The following LYST variants were observed in gnomAD, a reference collection of about 807,000 sequenced individuals.
LYST encodes lysosomal trafficking regulator, also known as lysosomal-trafficking regulator.
LYST carries 192 observed loss-of-function variants against 413.6 expected under a neutral mutation model. The ratio of observed to expected loss-of-function variants is 0.46; its 90% CI spans 0.41 to 0.52. The LOEUF (loss-of-function observed/expected upper bound fraction) is 0.52, where lower values mean the gene tolerates loss of function less well. LYST is among the 20% of genes least tolerant of loss of function. LYST has a pLI of 0.00. For missense variants in LYST, 3,815 were observed against 4,499.9 expected (o/e 0.85, Z 4.35); for synonymous variants, 1,525 against 1,567.3 (o/e 0.97, Z 0.64).
chr1:235,758,331 C>T lies in LYST; in HGVS notation c.6881+641G>A, dbSNP rs532147208. On this transcript the variant is annotated intron_variant, in intron 23 of 52. Coordinates refer to ENST00000389793, the MANE Select transcript of LYST (RefSeq NM_000081.4). ...AAGGAAAATGGCTGAAGAAATACAA[C>T]GCCTAGGCAATGTCTGTCATAACAT... is the stretch of plus-strand genomic sequence containing the variant. 2.2e-4 allele frequency among the ~76,000 whole-genome samples: 34 copies of T among 152,268 alleles called. 1 individual carries two copies. In the South Asian group the frequency reaches 6.2e-3, roughly 28 times the overall value.
chr1:235,841,694 G>C (rs1677228210), intron 1 of LYST, among the ~76,000 whole-genome samples: 1 of 152,182 alleles, frequency 6.6e-6, no homozygotes, highest in South Asian at 2.1e-4. Context: ...GAAGAGGTTA[G>C]GCTGGGGCGG....
chr1:235,880,079 C>G (rs975531300), intron 1 of LYST, among the ~76,000 whole-genome samples: 1 of 152,128 alleles, frequency 6.6e-6, no homozygotes, highest in Non-Finnish European at 1.5e-5. Flanking sequence ...ACTCTTGTCT[C>G]GTTTTTTCTT....
chr1:235,675,961 G>A (rs981705604), intron 50 of LYST, among the ~76,000 whole-genome samples: 16 of 152,172 alleles, frequency 1.1e-4, no homozygotes, highest in Admixed American at 1.3e-4. Flanking sequence ...CCCACTATGG[G>A]TATGTCCAAC....
At chr1:235,863,878 GGCCCATCTGTGC>G (rs1351917766) in intron 1 of LYST, among the ~76,000 whole-genome samples, 3 of 152,128 alleles carry the variant, frequency 2.0e-5, no homozygotes, top group Non-Finnish European at 4.4e-5. Context: ...TTTTCTGTGA[GGCCCATCTGTGC>G]ACTTCCTTGT....
intron 31 of LYST, chr1:235,737,916 A>AAAGCCAAG: frequency 5.2e-6 from 6 of 1,163,404 alleles, no homozygotes; most frequent in Admixed American, 8.8e-5. Context: ...GCTGCCGACG[A>AAAGCCAAG]GTCTGGATCT....
chr1:235,861,931 A>G (rs1404558453), intron 1 of LYST, among the ~76,000 whole-genome samples: 1 of 152,244 alleles, frequency 6.6e-6, no homozygotes, highest in African/African-American at 2.4e-5. Flanking sequence ...AAACAAAACA[A>G]TTAGGCTAAT....
intron 44 of LYST, among the ~76,000 whole-genome samples, chr1:235,708,170 T>C (rs1279107349): frequency 6.6e-6 from 1 of 152,112 alleles, no homozygotes; most frequent in African/African-American, 2.4e-5. Flanking sequence ...TATTATTATA[T>C]AAATGGAATG....
At position 235,779,245 on chromosome 1, in the gene LYST, T is replaced by C. The variant is rs997355244; in HGVS notation, c.5214+1620A>G. On this transcript the variant is annotated intron_variant, in intron 16 of 52. Coordinates refer to ENST00000389793, the MANE Select transcript of LYST (RefSeq NM_000081.4). ...ACTAAATCGGGCTTAAACAATTTGC[T>C]CTCTAAAAATAGTTTTCACATAAAA... is the stretch of plus-strand genomic sequence containing the variant. Among the ~76,000 whole-genome samples, 3 of 152,202 alleles carry C rather than the reference T, an allele frequency of 2.0e-5. No individual in the cohort carries two copies. The East Asian group carries it at 5.8e-4, about 29-fold the overall frequency.
intron 7 of LYST, 118 bp from the exon 8 acceptor site, chr1:235,803,182 G>A: frequency 1.2e-6 from 1 of 800,246 alleles, no homozygotes; most frequent in South Asian, 1.6e-5. Flanking sequence ...AAAAAACTTA[G>A]TAAACAATAT....
chr1:235,719,276 C>T (rs1264360873), intron 40 of LYST, among the ~76,000 whole-genome samples: 2 of 152,166 alleles, frequency 1.3e-5, no homozygotes, highest in Non-Finnish European at 2.9e-5. Context: ...CCTTGGCCTC[C>T]CAAAGTGCTG....
chr1:235,852,318 CT>C (rs1245708083), intron 1 of LYST, among the ~76,000 whole-genome samples: 1 of 152,226 alleles, frequency 6.6e-6, no homozygotes, highest in Non-Finnish European at 1.5e-5. Context: ...CCCCAGCCCC[CT>C]GCCTGTCAGG....
chr1:235,870,622 T>C (rs1680884366), upstream of LYST, among the ~76,000 whole-genome samples: 1 of 152,218 alleles, frequency 6.6e-6, no homozygotes, highest in Non-Finnish European at 1.5e-5. Context: ...AAACATCATC[T>C]CTTTCATAGC....
At position 235,788,848 on chromosome 1, in the gene LYST, A is replaced by G. The variant is rs1030286929; in HGVS notation, c.4544-3T>C. The G allele has an allele frequency of 9.3e-6, 15 of 1,613,348 alleles. No homozygotes were observed. Among genetic ancestry groups the G allele is most frequent in the Non-Finnish European group, 1.3e-5 (15 of 1,179,406 alleles). ...TGCACCTTCTGGTCTGTCGCTCTCT[A>G]TAAGAAAAAGATGTTAGAATGATCA... is the stretch of plus-strand genomic sequence containing the variant. On this transcript the variant is annotated splice_region_variant and splice_polypyrimidine_tract_variant and intron_variant, in intron 12 of 52. Coordinates refer to ENST00000389793, the MANE Select transcript of LYST (RefSeq NM_000081.4).
At chr1:235,836,424 C>T (rs1331611426) in intron 1 of LYST, among the ~76,000 whole-genome samples, 1 of 152,070 alleles carries the variant, frequency 6.6e-6, no homozygotes, top group Non-Finnish European at 1.5e-5. Flanking sequence ...GACAGGAATG[C>T]TGTTTCAGAT....
intron 24 of LYST, among the ~76,000 whole-genome samples, chr1:235,756,964 T>C (rs1667108688): frequency 6.6e-6 from 1 of 152,080 alleles, no homozygotes; most frequent in Non-Finnish European, 1.5e-5. Flanking sequence ...ACAAAAGAGA[T>C]TTACTAAGTG....
upstream of LYST, among the ~76,000 whole-genome samples, chr1:235,869,276 T>C (rs1680819782): frequency 6.6e-6 from 1 of 152,042 alleles, no homozygotes; most frequent in Non-Finnish European, 1.5e-5. Flanking sequence ...ATGGAGACCA[T>C]CCTGGCTAAC....
At chr1:235,858,502 A>G (rs534525334) in intron 1 of LYST, among the ~76,000 whole-genome samples, 1 of 152,316 alleles carries the variant, frequency 6.6e-6, no homozygotes, top group South Asian at 2.1e-4. Flanking sequence ...TCTTAAATTG[A>G]GAATTCTCAC....
chr1:235,698,642 C>G (rs1303253623), intron 45 of LYST, among the ~76,000 whole-genome samples: 1 of 152,004 alleles, frequency 6.6e-6, no homozygotes, highest in African/African-American at 2.4e-5. Flanking sequence ...GAGGCCGAGG[C>G]GGGCGGATCA....
At chr1:235,666,714 A>T (rs751616829) in intron 50 of LYST, among the ~76,000 whole-genome samples, 2 of 152,154 alleles carry the variant, frequency 1.3e-5, no homozygotes, top group Non-Finnish European at 2.9e-5. Flanking sequence ...CAGGAGACTC[A>T]GTATGCTAAA....
Sources: gnomAD v4.1 joint callset for allele counts (sites outside exome capture counted in the v4.1 genomes callset) on GRCh38, gnomAD v4.1.1 for gene constraint, MANE v1.5 for transcripts, NCBI Gene and HGNC (gene_info 2026-07-23, HGNC 2026-07-21) for gene names.